The following GRIA4 variants were observed in gnomAD, a reference collection of about 807,000 sequenced individuals.
GRIA4 encodes the protein glutamate ionotropic receptor AMPA type subunit 4.
GRIA4 carries 34 observed loss-of-function variants against 104.0 expected under a neutral mutation model. The observed-to-expected ratio is 0.33, with a 90% CI of 0.25 to 0.44. The LOEUF is 0.44. Among genes scored for constraint, GRIA4 ranks in the 20% least tolerant of loss-of-function variants. The pLI, the probability that GRIA4 is intolerant of heterozygous loss-of-function variation, is 1.00. For missense variants in GRIA4, 750 were observed against 1,096.5 expected (o/e 0.68, Z 4.46); for synonymous variants, 386 against 381.9 (o/e 1.01, Z -0.13).
chr11:105,632,855 A>C (rs1403518017), intron 3 of GRIA4, among the ~76,000 whole-genome samples: 1 of 152,220 alleles, frequency 6.6e-6, no homozygotes, highest in Non-Finnish European at 1.5e-5. Context: ...GCATTAATAT[A>C]ACCACAGTAA....
At chr11:105,640,815 C>T (rs1403982657) in intron 3 of GRIA4, among the ~76,000 whole-genome samples, 1 of 151,940 alleles carries the variant, frequency 6.6e-6, no homozygotes, top group East Asian at 1.9e-4. Flanking sequence ...AATTAGATAA[C>T]TAGTCATAGC....
intron 4 of GRIA4, among the ~76,000 whole-genome samples, chr11:105,801,154 T>C (rs1287378704): frequency 6.6e-6 from 1 of 151,554 alleles, no homozygotes; most frequent in African/African-American, 2.4e-5. Context: ...AAACACAAAA[T>C]CTTATTTCTT....
chr11:105,929,378 G>A (rs1274627920), intron 13 of GRIA4, among the ~76,000 whole-genome samples: 1 of 151,962 alleles, frequency 6.6e-6, no homozygotes, highest in Non-Finnish European at 1.5e-5. Flanking sequence ...AAGCCACAGG[G>A]GAAAACTACA....
At chr11:105,948,252 T>G (rs1389110683) in intron 14 of GRIA4, among the ~76,000 whole-genome samples, 4 of 152,182 alleles carry the variant, frequency 2.6e-5, no homozygotes, top group Non-Finnish European at 4.4e-5. Context: ...ACATTTTAAG[T>G]GATAAGAGCA....
chr11:105,645,162 T>C (rs1378744876), intron 3 of GRIA4, among the ~76,000 whole-genome samples: 3 of 152,112 alleles, frequency 2.0e-5, no homozygotes, highest in Non-Finnish European at 2.9e-5. Flanking sequence ...AAGAGATGGG[T>C]CGGGGGAAAG....
chr11:105,753,579 C>A (rs573503612), intron 4 of GRIA4, among the ~76,000 whole-genome samples: 1 of 152,082 alleles, frequency 6.6e-6, no homozygotes, highest in Non-Finnish European at 1.5e-5. Context: ...GCCAGCTAAG[C>A]GACCCTCCAG....
intron 4 of GRIA4, among the ~76,000 whole-genome samples, chr11:105,834,784 C>G (rs752494283): frequency 2.0e-4 from 30 of 148,844 alleles, no homozygotes; most frequent in Admixed American, 3.4e-4. Context: ...TGGGTTCGAG[C>G]AGACATCTAG....
intron 4 of GRIA4, among the ~76,000 whole-genome samples, chr11:105,764,014 A>G (rs1226407951): frequency 6.6e-6 from 1 of 152,248 alleles, no homozygotes; most frequent in Non-Finnish European, 1.5e-5. Flanking sequence ...AAATACCCAA[A>G]CACAATCTTG....
intron 6 of GRIA4, among the ~76,000 whole-genome samples, chr11:105,891,741 G>GT (rs1565320425): frequency 1.3e-5 from 2 of 152,074 alleles, no homozygotes; most frequent in African/African-American, 4.8e-5. Flanking sequence ...ACTTATTCTT[G>GT]TTTTTTCATT....
At chr11:105,963,024 A>G (rs982743028) in intron 14 of GRIA4, among the ~76,000 whole-genome samples, 2 of 152,122 alleles carry the variant, frequency 1.3e-5, no homozygotes, top group African/African-American at 2.4e-5. Flanking sequence ...TTTGAAGTCT[A>G]TGTCTGAAAT....
Position 105,924,677 on chromosome 11 carries a change from C to G in GRIA4, c.1755C>G (p.Pro585=). 2 of 1,612,824 alleles carry G rather than the reference C, an allele frequency of 1.2e-6. No homozygotes were observed. The highest frequency in any genetic ancestry group is 1.7e-6 in the Non-Finnish European group (2 of 1,179,210). ...TEEPEDGKEG[P]SDQPPNEFGI... The stretch of plus-strand genomic sequence containing the variant: ...AGCCAGAGGACGGAAAGGAAGGACC[C>G]AGCGACCAGCCTCCCAATGAGTTTG... Residue 585 remains proline (P), a synonymous_variant, in exon 12 of 17, where the codon CCC becomes CCG. Transcript: ENST00000282499.
intron 4 of GRIA4, among the ~76,000 whole-genome samples, chr11:105,823,832 C>T (rs1210455791): frequency 6.6e-6 from 1 of 151,906 alleles, no homozygotes; most frequent in African/African-American, 2.4e-5. Flanking sequence ...TAAGCCTAAC[C>T]CCCCGTACAT....
intron 3 of GRIA4, among the ~76,000 whole-genome samples, chr11:105,695,502 C>G (rs1822991): frequency 1.1e-4 from 16 of 143,420 alleles, no homozygotes; most frequent in South Asian, 1.1e-3. Flanking sequence ...GTGTGTGTGT[C>G]TGTGTGTGTG....
intron 4 of GRIA4, among the ~76,000 whole-genome samples, chr11:105,781,012 T>C (rs1420622779): frequency 6.6e-6 from 1 of 152,190 alleles, no homozygotes; most frequent in African/African-American, 2.4e-5. Flanking sequence ...ATCTTTTCAG[T>C]TGCCATTTAG....
At chr11:105,813,533 G>A (rs1460349314) in intron 4 of GRIA4, among the ~76,000 whole-genome samples, 9 of 152,098 alleles carry the variant, frequency 5.9e-5, no homozygotes, top group Non-Finnish European at 1.2e-4. Flanking sequence ...ACACTATTGC[G>A]TTGCTTAGTT....
rs535316338 is a variant in GRIA4 at position 105,889,743 on chromosome 11, G to T, written c.726+2171G>T. Among the ~76,000 whole-genome samples the T allele has an allele frequency of 3.4e-4, 51 of 152,126 alleles. 1 individual carries two copies. In the East Asian group the frequency reaches 8.5e-3, roughly 25 times the overall value. On this transcript the variant is annotated intron_variant, in intron 6 of 16. Coordinates refer to ENST00000282499, the MANE Select transcript of GRIA4 (RefSeq NM_000829.4). ...AAAATCAATAAAAGGCATCCAGATT[G>T]AAAAAGAAGATTATATGTATATAAA...
intron 3 of GRIA4, among the ~76,000 whole-genome samples, chr11:105,624,062 G>A (rs1265414901): frequency 6.6e-6 from 1 of 151,938 alleles, no homozygotes; most frequent in Non-Finnish European, 1.5e-5. Flanking sequence ...TGAAGACAAT[G>A]GGATAGTAGA....
intron 3 of GRIA4, among the ~76,000 whole-genome samples, chr11:105,669,108 G>A (rs921429420): frequency 1.3e-5 from 2 of 151,774 alleles, no homozygotes; most frequent in Non-Finnish European, 1.5e-5. Context: ...ACCTTTAATC[G>A]GTCACCAAAT....
chr11:105,909,254 G>A (rs1162099260), intron 9 of GRIA4, among the ~76,000 whole-genome samples: 1 of 152,164 alleles, frequency 6.6e-6, no homozygotes, highest in Non-Finnish European at 1.5e-5. Context: ...TAACATGGCA[G>A]TTGAGAAACT....
Sources: gnomAD v4.1 joint callset for allele counts (sites outside exome capture counted in the v4.1 genomes callset) on GRCh38, gnomAD v4.1.1 for gene constraint, MANE v1.5 for transcripts, NCBI Gene and HGNC (gene_info 2026-07-23, HGNC 2026-07-21) for gene names.